CNTNAP5: variants seen among roughly 807,000 people sequenced by gnomAD.
CNTNAP5 encodes the protein contactin associated protein family member 5.
In CNTNAP5, 72 loss-of-function variants were observed where a neutral mutation model predicts 150.2. The observed-to-expected ratio is 0.48, with a 90% confidence interval of 0.40 to 0.58. The LOEUF (loss-of-function observed/expected upper bound fraction) is 0.58. CNTNAP5 is among the 20% of genes least tolerant of loss of function. The probability of loss-of-function intolerance (pLI) is 0.00; values close to 1 mark genes in which losing one functional copy is unlikely to be tolerated. For missense variants in CNTNAP5, 1,636 were observed against 1,626.2 expected (o/e 1.01, Z -0.10); for synonymous variants, 672 against 619.8 (o/e 1.08, Z -1.25).
At chr2:124,326,203 A>G (rs539012889) in intron 3 of CNTNAP5, among the ~76,000 whole-genome samples, 73 of 152,300 alleles carry the variant, frequency 4.8e-4, no homozygotes, top group African/African-American at 1.7e-3. Flanking sequence ...CTGTATCCCC[A>G]GGGAGCCTGT....
At chr2:124,488,304 C>T (rs1693938301) in intron 7 of CNTNAP5, among the ~76,000 whole-genome samples, 1 of 152,096 alleles carries the variant, frequency 6.6e-6, no homozygotes, top group Non-Finnish European at 1.5e-5. Flanking sequence ...TTATTACATG[C>T]CAAATATTGT....
At chr2:124,690,045 A>G (rs910596333) in intron 13 of CNTNAP5, among the ~76,000 whole-genome samples, 1 of 152,084 alleles carries the variant, frequency 6.6e-6, no homozygotes, top group East Asian at 1.9e-4. Context: ...TAATGAATAT[A>G]CATTACTTTT....
At chr2:124,137,377 G>GA (rs773957501) in intron 1 of CNTNAP5, among the ~76,000 whole-genome samples, 4 of 151,824 alleles carry the variant, frequency 2.6e-5, no homozygotes, top group Non-Finnish European at 4.4e-5. Flanking sequence ...GAAATACAAG[G>GA]AAAAAAATCC....
In CNTNAP5 at chr2:124,446,115, G is replaced by A. The variant is rs1474426370; in HGVS notation, c.734-638G>A. On this transcript the variant is annotated intron_variant, in intron 5 of 23. Transcript: ENST00000682447. ...GCTGTGGTCAAAGTAAAAAGGATGA[G>A]GCAAACCTAGATTCAAGTTCTGACC... Among the ~76,000 whole-genome samples, 3 of 152,046 alleles carry A rather than the reference G, an allele frequency of 2.0e-5. No homozygotes were observed. The East Asian group carries it at 5.8e-4, about 29-fold the overall frequency.
At chr2:124,187,752 T>A (rs1034955014) in intron 1 of CNTNAP5, among the ~76,000 whole-genome samples, 1 of 152,230 alleles carries the variant, frequency 6.6e-6, no homozygotes. Flanking sequence ...ATTAGTTGCC[T>A]TTTTAGAGCT....
At chr2:124,600,887 C>T (rs894734888) in intron 11 of CNTNAP5, among the ~76,000 whole-genome samples, 2 of 152,092 alleles carry the variant, frequency 1.3e-5, no homozygotes, top group African/African-American at 4.8e-5. Flanking sequence ...AATGCTGAAT[C>T]TTAATTTACA....
At chr2:124,726,070 A>G (rs1408150822) in intron 13 of CNTNAP5, among the ~76,000 whole-genome samples, 1 of 152,002 alleles carries the variant, frequency 6.6e-6, no homozygotes, top group African/African-American at 2.4e-5. Flanking sequence ...TGACAATACC[A>G]ATTTACATTC....
At chr2:124,385,726 T>G (rs1024088687) in intron 3 of CNTNAP5, among the ~76,000 whole-genome samples, 24 of 152,304 alleles carry the variant, frequency 1.6e-4, no homozygotes, top group African/African-American at 5.5e-4. Flanking sequence ...TAAATAAATG[T>G]TCACTTCCTT....
chr2:124,607,066 G>T (rs1677245460), intron 11 of CNTNAP5, among the ~76,000 whole-genome samples: 1 of 152,114 alleles, frequency 6.6e-6, no homozygotes, highest in African/African-American at 2.4e-5. Context: ...TATGAGGGAG[G>T]CTCTTTTTGA....
chr2:124,097,470 G>T (rs1682961881), intron 1 of CNTNAP5, among the ~76,000 whole-genome samples: 1 of 152,140 alleles, frequency 6.6e-6, no homozygotes, highest in African/African-American at 2.4e-5. Flanking sequence ...TGAAAATACA[G>T]ATTAAGACAA....
At chr2:124,122,799 C>T (rs1251713567) in intron 1 of CNTNAP5, among the ~76,000 whole-genome samples, 1 of 151,306 alleles carries the variant, frequency 6.6e-6, no homozygotes, top group Non-Finnish European at 1.5e-5. Flanking sequence ...CACACCCACA[C>T]CTTTTCCCAG....
At chr2:124,390,542 TAC>T (rs1278384446) in intron 3 of CNTNAP5, among the ~76,000 whole-genome samples, 1 of 152,128 alleles carries the variant, frequency 6.6e-6, no homozygotes, top group Non-Finnish European at 1.5e-5. Context: ...ATGTGTAGAG[TAC>T]ACAAAGCAGA....
At chr2:124,556,082 CT>C (rs1308452894) in intron 10 of CNTNAP5, among the ~76,000 whole-genome samples, 8 of 152,216 alleles carry the variant, frequency 5.3e-5, no homozygotes, top group Non-Finnish European at 1.0e-4. Context: ...CTAACCCTCA[CT>C]TTGGCAGAAG....
chr2:124,760,700 T>A (rs1045957278), intron 14 of CNTNAP5, among the ~76,000 whole-genome samples: 1 of 152,266 alleles, frequency 6.6e-6, no homozygotes, highest in Non-Finnish European at 1.5e-5. Flanking sequence ...GCTCTGCTCA[T>A]GCATTCCTGG....
chr2:124,729,836 T>A lies in CNTNAP5; in HGVS notation c.2078-17393T>A, dbSNP rs1573578286. On this transcript the variant is annotated intron_variant, in intron 13 of 23. Coordinates refer to ENST00000682447, the MANE Select transcript of CNTNAP5 (RefSeq NM_001367498.1). ...GAATTACACTATCCAAAAAACCTGT[T>A]CACATTCATTTTTTTATAATGTGCT... Among the ~76,000 whole-genome samples, 3 of 152,138 alleles carry A rather than the reference T, an allele frequency of 2.0e-5. 1 individual carries two copies. The South Asian group carries it at 6.2e-4, about 31-fold the overall frequency.
intron 12 of CNTNAP5, among the ~76,000 whole-genome samples, chr2:124,640,807 G>GA (rs1249447187): frequency 6.6e-6 from 1 of 152,022 alleles, no homozygotes; most frequent in Non-Finnish European, 1.5e-5. Context: ...CTTTGACTTG[G>GA]AGTCAGGTAC....
intron 3 of CNTNAP5, among the ~76,000 whole-genome samples, chr2:124,327,067 G>A (rs113542757): frequency 0.06 from 8,221 of 137,594 alleles, 288 homozygotes; most frequent in Middle Eastern, 0.092. Context: ...TGCAAGCTCC[G>A]CCTCCTGGGT....
At chr2:124,784,039 T>C (rs897202093) in intron 17 of CNTNAP5, among the ~76,000 whole-genome samples, 1 of 152,184 alleles carries the variant, frequency 6.6e-6, no homozygotes, top group Non-Finnish European at 1.5e-5. Context: ...ATGTTAAACC[T>C]TCTGCCACTT....
rs372268230 is a variant in CNTNAP5, at chr2:124,856,439, G to A, written c.3218-8867G>A. 8.5e-5 allele frequency among the ~76,000 whole-genome samples: 13 copies of A among 152,272 alleles called. No individual in the cohort carries two copies. In the East Asian group the frequency reaches 2.3e-3, roughly 27 times the overall value. ...ACTATTTTCTACAATGGTTGTACTA[G>A]TTTACATTCCCACCAGCATTGTAGA... is the stretch of plus-strand genomic sequence containing the variant. On this transcript the variant is annotated intron_variant, in intron 19 of 23. Transcript: ENST00000682447.
Sources: gnomAD v4.1 joint callset for allele counts (sites outside exome capture counted in the v4.1 genomes callset) on GRCh38, gnomAD v4.1.1 for gene constraint, MANE v1.5 for transcripts, NCBI Gene and HGNC (gene_info 2026-07-23, HGNC 2026-07-21) for gene names.